The following MAGI2 variants were observed in gnomAD, a reference collection of about 807,000 sequenced individuals.
MAGI2 encodes membrane associated guanylate kinase, WW and PDZ domain containing 2, also known as membrane-associated guanylate kinase, WW and PDZ domain-containing protein 2.
Under a neutral mutation model 133.3 loss-of-function variants are expected in MAGI2, and 35 were observed. The observed-to-expected ratio is 0.26, with a 90% confidence interval of 0.20 to 0.35. The LOEUF (loss-of-function observed/expected upper bound fraction) is 0.35, where lower values mean the gene tolerates loss of function less well. Among genes scored for constraint, MAGI2 ranks in the 10% least tolerant of loss-of-function variants. The pLI, the probability that MAGI2 is intolerant of heterozygous loss-of-function variation, is 1.00. For synonymous variants in MAGI2, 729 were observed against 710.6 expected, an observed-to-expected ratio of 1.03 and a Z score of -0.41; for missense variants, 1,636 against 1,863.4, an observed-to-expected ratio of 0.88 and a Z score of 2.25.
At chr7:78,812,885 C>G (rs1789200120) in intron 2 of MAGI2, among the ~76,000 whole-genome samples, 1 of 152,154 alleles carries the variant, frequency 6.6e-6, no homozygotes, top group African/African-American at 2.4e-5. Flanking sequence ...AGTTATCCAA[C>G]CTGACCATTT....
At chr7:78,572,819 T>C (rs1025023896) in intron 3 of MAGI2, among the ~76,000 whole-genome samples, 2 of 151,368 alleles carry the variant, frequency 1.3e-5, no homozygotes, top group Admixed American at 1.3e-4. Flanking sequence ...TGTGCCACCA[T>C]GCCCAGCTAA....
intron 2 of MAGI2, among the ~76,000 whole-genome samples, chr7:78,882,869 G>A (rs1795984009): frequency 6.6e-6 from 1 of 151,894 alleles, no homozygotes; most frequent in South Asian, 2.1e-4. Context: ...AAAATAATAA[G>A]AGCCATCTAT....
chr7:78,827,407 T>A (rs577570148), intron 2 of MAGI2, among the ~76,000 whole-genome samples: 77 of 152,222 alleles, frequency 5.1e-4, no homozygotes, highest in African/African-American at 1.8e-3. Context: ...GCCTCCTGAA[T>A]AGCTAGGACT....
intron 2 of MAGI2, among the ~76,000 whole-genome samples, chr7:78,735,761 T>C (rs552065660): frequency 1.5e-4 from 23 of 152,250 alleles, no homozygotes; most frequent in African/African-American, 5.1e-4. Context: ...GCCTCAAGGG[T>C]TTATAGGTCC....
intron 2 of MAGI2, among the ~76,000 whole-genome samples, chr7:78,798,787 T>C (rs940928603): frequency 3.4e-4 from 51 of 152,196 alleles, no homozygotes; most frequent in African/African-American, 1.2e-3. Flanking sequence ...CAAACTTCCA[T>C]GCTGAGCTCA....
intron 2 of MAGI2, among the ~76,000 whole-genome samples, chr7:78,901,991 C>T (rs146307816): frequency 6.6e-6 from 1 of 152,190 alleles, no homozygotes; most frequent in East Asian, 1.9e-4. Context: ...AATGATCTAA[C>T]CAAATTTCCA....
Position 78,159,129 on chromosome 7 carries a change from G to C in MAGI2, c.2845+896C>G, listed in dbSNP as rs1824701018. On this transcript the variant is annotated intron_variant, in intron 16 of 21. Transcript: ENST00000354212. The stretch of plus-strand genomic sequence containing the variant: ...CCTGAATGCTCGGGGAGACTGATTT[G>C]AGTAATAATAAAACTCTGTCTCCCC... Among the ~76,000 whole-genome samples the C allele has an allele frequency of 2.0e-5, 3 of 152,252 alleles. No homozygotes were observed. The South Asian group carries it at 6.2e-4, about 32-fold the overall frequency.
At chr7:78,563,812 G>C (rs6466285) in intron 3 of MAGI2, among the ~76,000 whole-genome samples, 31,758 of 152,066 alleles carry the variant, frequency 0.21, 5,591 homozygotes, top group East Asian at 0.54. Context: ...CAATGAACAA[G>C]ATTATAGTCA....
At chr7:78,237,281 A>G (rs953717032) in intron 10 of MAGI2, among the ~76,000 whole-genome samples, 3 of 152,176 alleles carry the variant, frequency 2.0e-5, no homozygotes, top group Non-Finnish European at 4.4e-5. Flanking sequence ...GAATGGCACA[A>G]TGTACTTTTT....
At chr7:78,762,924 C>T (rs1824657238) in intron 2 of MAGI2, among the ~76,000 whole-genome samples, 1 of 152,168 alleles carries the variant, frequency 6.6e-6, no homozygotes, top group Admixed American at 6.5e-5. Context: ...GTTTGGTACA[C>T]TGGCTAGAAT....
chr7:79,110,864 A>C (rs1016662731), intron 1 of MAGI2, among the ~76,000 whole-genome samples: 2 of 152,134 alleles, frequency 1.3e-5, no homozygotes, highest in Admixed American at 1.3e-4. Context: ...TACTATCCTC[A>C]TGATAATGAA....
intron 1 of MAGI2, among the ~76,000 whole-genome samples, chr7:79,054,068 C>T (rs932606597): frequency 2.6e-5 from 4 of 152,012 alleles, no homozygotes; most frequent in Admixed American, 6.6e-5. Context: ...TGGTGGCTGG[C>T]GCCTGTAGTC....
intron 21 of MAGI2, among the ~76,000 whole-genome samples, chr7:78,054,613 C>A (rs1457388223): frequency 6.9e-6 from 1 of 145,120 alleles, no homozygotes; most frequent in Non-Finnish European, 1.5e-5. Flanking sequence ...TCCTGAAAGA[C>A]CATAACCTTC....
chr7:78,438,979 A>G (rs922287448), intron 6 of MAGI2, among the ~76,000 whole-genome samples: 15 of 152,180 alleles, frequency 9.9e-5, no homozygotes, highest in African/African-American at 3.6e-4. Context: ...GCATCAAGAC[A>G]TCTAAGGTTT....
At chr7:78,771,419 A>G (rs550817013) in intron 2 of MAGI2, 1 of 152,302 alleles carries the variant, frequency 6.6e-6, no homozygotes, top group South Asian at 2.1e-4. Flanking sequence ...GTGAATTTTA[A>G]TATACACACA....
At chr7:79,387,076 G>C (rs542282399) in intron 1 of MAGI2, among the ~76,000 whole-genome samples, 2 of 139,352 alleles carry the variant, frequency 1.4e-5, no homozygotes, top group Non-Finnish European at 3.1e-5. Context: ...AACAGAGATG[G>C]CTCACAAATT....
chr7:78,487,112 C>T (rs992478317), intron 6 of MAGI2: 3 of 258,782 alleles, frequency 1.2e-5, no homozygotes, highest in Non-Finnish European at 2.3e-5. Context: ...CTTAACTCAT[C>T]TAACTGCTTC....
At chr7:78,354,934 A>G (rs1361773743) in intron 7 of MAGI2, among the ~76,000 whole-genome samples, 1 of 152,162 alleles carries the variant, frequency 6.6e-6, no homozygotes, top group African/African-American at 2.4e-5. Flanking sequence ...GGGAAGATAG[A>G]AGAGGTATGG....
At chr7:78,897,858 A>T (rs1055899697) in intron 2 of MAGI2, among the ~76,000 whole-genome samples, 1 of 152,206 alleles carries the variant, frequency 6.6e-6, no homozygotes, top group African/African-American at 2.4e-5. Flanking sequence ...GACAAACGAG[A>T]TCTAATTAAA....
Sources: allele counts gnomAD v4.1 joint callset (sites outside exome capture counted in the v4.1 genomes callset), GRCh38; gene constraint gnomAD v4.1.1; transcripts MANE v1.5; gene names NCBI Gene and HGNC (gene_info 2026-07-23, HGNC 2026-07-21).